The following GNA14 variants were observed in gnomAD, a reference collection of about 807,000 sequenced individuals.
The protein encoded by GNA14 is G protein subunit alpha 14.
Under a neutral mutation model 42.0 loss-of-function variants are expected in GNA14, and 50 were observed. The observed-to-expected ratio is 1.19, with a 90% CI of 0.95 to 1.51. The LOEUF (loss-of-function observed/expected upper bound fraction) is 1.51. GNA14 is among the 40% of genes most tolerant of loss of function. The probability of loss-of-function intolerance (pLI) is 0.00; values close to 1 mark genes in which losing one functional copy is unlikely to be tolerated. For missense variants in GNA14, 473 were observed against 446.2 expected (o/e 1.06, Z -0.54); for synonymous variants, 173 against 163.1 (o/e 1.06, Z -0.46).
intron 2 of GNA14, among the ~76,000 whole-genome samples, chr9:77,514,608 ATTTTTTTTTTTT>A (rs34158312): frequency 0.33 from 45,187 of 136,982 alleles, 7,368 homozygotes; most frequent in African/African-American, 0.44. Context: ...ATAATATCAG[ATTTTTTTTTTTT>A]TTTTTTTTTT....
chr9:77,541,383 G>T (rs976502331), intron 1 of GNA14, among the ~76,000 whole-genome samples: 1 of 152,104 alleles, frequency 6.6e-6, no homozygotes, highest in Non-Finnish European at 1.5e-5. Context: ...GGCCTGTAAG[G>T]TTTCTAATGA....
chr9:77,600,950 G>C (rs1043391837), intron 1 of GNA14, among the ~76,000 whole-genome samples: 1 of 152,162 alleles, frequency 6.6e-6, no homozygotes, highest in Non-Finnish European at 1.5e-5. Context: ...AACAGATTAG[G>C]AGTGAAGAAA....
intron 1 of GNA14, among the ~76,000 whole-genome samples, chr9:77,532,890 G>T (rs1180435387): frequency 1.3e-5 from 2 of 152,114 alleles, no homozygotes; most frequent in Admixed American, 6.5e-5. Flanking sequence ...GGTTTACAAG[G>T]AGTGGGAGGT....
intron 2 of GNA14, among the ~76,000 whole-genome samples, chr9:77,502,133 T>C (rs1481619066): frequency 6.6e-6 from 1 of 152,196 alleles, no homozygotes; most frequent in East Asian, 1.9e-4. Flanking sequence ...AAAATTTCCA[T>C]TTTGTTCCTC....
At chr9:77,452,591 T>TAC (rs373361537) in intron 2 of GNA14, among the ~76,000 whole-genome samples, 2 of 126,652 alleles carry the variant, frequency 1.6e-5, no homozygotes, top group African/African-American at 3.3e-5. Flanking sequence ...TGTATGTGTG[T>TAC]GTGTGGTGTG....
intron 1 of GNA14, among the ~76,000 whole-genome samples, chr9:77,633,783 T>C (rs941629540): frequency 9.2e-5 from 14 of 152,202 alleles, no homozygotes; most frequent in Non-Finnish European, 4.4e-5. Context: ...ATTCAAACCC[T>C]GGCCCCACTC....
At chr9:77,594,108 C>T (rs1055531847) in intron 1 of GNA14, among the ~76,000 whole-genome samples, 5 of 152,196 alleles carry the variant, frequency 3.3e-5, no homozygotes, top group African/African-American at 1.2e-4. Flanking sequence ...AGGGGTGAAA[C>T]TCCATCGTGG....
intron 4 of GNA14, among the ~76,000 whole-genome samples, chr9:77,429,770 A>G (rs1835514287): frequency 6.6e-6 from 1 of 152,238 alleles, no homozygotes; most frequent in Admixed American, 6.5e-5. Flanking sequence ...AACAAGACGC[A>G]GGCTTGCCAT....
chr9:77,611,397 T>C (rs1030539608), intron 1 of GNA14, among the ~76,000 whole-genome samples: 1 of 152,210 alleles, frequency 6.6e-6, no homozygotes, highest in Non-Finnish European at 1.5e-5. Flanking sequence ...ACTCTGAACA[T>C]AGGAAACTAA....
chr9:77,480,949 A>G (rs1836542396), intron 2 of GNA14, among the ~76,000 whole-genome samples: 1 of 151,380 alleles, frequency 6.6e-6, no homozygotes, highest in African/African-American at 2.4e-5. Context: ...TTTCTTCTTT[A>G]TTAGTCTTGC....
intron 1 of GNA14, among the ~76,000 whole-genome samples, chr9:77,600,614 G>A (rs756409367): frequency 5.3e-5 from 8 of 152,172 alleles, no homozygotes; most frequent in Non-Finnish European, 8.8e-5. Context: ...GATGAGGAAT[G>A]AGAGTGTGAA....
intron 1 of GNA14, among the ~76,000 whole-genome samples, chr9:77,585,534 C>T (rs1465278042): frequency 6.6e-6 from 1 of 152,168 alleles, no homozygotes; most frequent in Admixed American, 6.5e-5. Context: ...CTGGACTTCC[C>T]CCAACACCCT....
chr9:77,585,181 G>A (rs924909141), intron 1 of GNA14, among the ~76,000 whole-genome samples: 1 of 152,114 alleles, frequency 6.6e-6, no homozygotes, highest in Non-Finnish European at 1.5e-5. Context: ...CTTAAAGAGG[G>A]AAGAGTGCGT....
chr9:77,562,421 AG>A (rs113157779), intron 1 of GNA14, among the ~76,000 whole-genome samples: 60 of 152,284 alleles, frequency 3.9e-4, no homozygotes, highest in African/African-American at 1.4e-3. Context: ...GGGGCAGGAA[AG>A]GGACATGAAG....
At position 77,623,216 on chromosome 9, in the gene GNA14, C is replaced by CAAAAAAAAAAAAAAAAAAAAAAAAAAAA. The variant is rs34368561; in HGVS notation, c.124+24426_124+24453dup. ...TGGGCAAAAGAGTGAGACGCTGTCT[C>CAAAAAAAAAAAAAAAAAAAAAAAAAAAA]AAAAAAAAAAAAAAAAAAAAAAAAA... On this transcript the variant is annotated intron_variant, in intron 1 of 6. Transcript: ENST00000341700. Among the ~76,000 whole-genome samples the CAAAAAAAAAAAAAAAAAAAAAAAAAAAA allele has an allele frequency of 7.1e-4, 19 of 26,852 alleles. 4 individuals carry two copies. Among genetic ancestry groups the CAAAAAAAAAAAAAAAAAAAAAAAAAAAA allele is most frequent in the East Asian group, 2.4e-3 (1 of 414 alleles). The allele number at this position is 26,852 out of a possible 152,430, so 17.6% of individuals were successfully genotyped here. A position where few individuals can be genotyped will look rare whatever the true frequency, so the allele number is the denominator to read the frequency against.
chr9:77,451,178 C>A (rs993018701), intron 2 of GNA14, among the ~76,000 whole-genome samples: 1 of 152,194 alleles, frequency 6.6e-6, no homozygotes, highest in South Asian at 2.1e-4. Context: ...ATAATCTCAG[C>A]TCATCCCCTA....
intron 1 of GNA14, among the ~76,000 whole-genome samples, chr9:77,642,294 G>A (rs2062243698): frequency 6.6e-6 from 1 of 152,314 alleles, no homozygotes; most frequent in East Asian, 1.9e-4. Context: ...CTCAGGAACT[G>A]CTGTGTTATA....
At chr9:77,492,489 T>G (rs1330245471) in intron 2 of GNA14, among the ~76,000 whole-genome samples, 1 of 151,980 alleles carries the variant, frequency 6.6e-6, no homozygotes, top group Non-Finnish European at 1.5e-5. Context: ...ACGTAACAAC[T>G]GACATCCCGG....
chr9:77,485,667 A>C (rs558412150), intron 2 of GNA14, among the ~76,000 whole-genome samples: 3 of 152,326 alleles, frequency 2.0e-5, no homozygotes, highest in Admixed American at 6.5e-5. Context: ...TCCTTGATCC[A>C]TGGGCTTCAG....
Sources: gnomAD v4.1 joint callset for allele counts (sites outside exome capture counted in the v4.1 genomes callset) on GRCh38, gnomAD v4.1.1 for gene constraint, MANE v1.5 for transcripts, NCBI Gene and HGNC (gene_info 2026-07-23, HGNC 2026-07-21) for gene names.